WDPCP: variants seen among roughly 807,000 people sequenced by gnomAD.
WDPCP encodes the protein WD repeat-containing and planar cell polarity effector protein fritz homolog.
In WDPCP, 71 loss-of-function variants were observed where a neutral mutation model predicts 93.1. That is an observed-to-expected ratio of 0.76 (90% confidence interval 0.63 to 0.93). The LOEUF (loss-of-function observed/expected upper bound fraction) is 0.93. WDPCP is among the 40% of genes least tolerant of loss of function. The pLI is 0.00. For missense variants in WDPCP, 844 were observed against 887.4 expected (o/e 0.95, Z 0.62); for synonymous variants, 315 against 315.0 (o/e 1.00, Z 0.00).
Position 63,487,442 on chromosome 2 carries a change from T to G in WDPCP, c.208+5A>C. Reference sequence around the variant, plus strand: ...AAAATTAATTGCACAGAATAGGTACTTTACCTGGTGGATCTTTCTTGTCAT... The same window carrying G: ...AAAATTAATTGCACAGAATAGGTACGTTACCTGGTGGATCTTTCTTGTCAT... On this transcript the variant is annotated splice_donor_5th_base_variant and intron_variant, in intron 3 of 17. Transcript: ENST00000272321. The G allele has an allele frequency of 6.3e-7, 1 of 1,586,350 alleles. No homozygotes were observed. Among genetic ancestry groups the G allele is most frequent in the South Asian group, 1.1e-5 (1 of 90,362 alleles).
chr2:63,409,892 T>C lies in WDPCP; in HGVS notation c.826-5235A>G, dbSNP rs575667725. 5.9e-5 allele frequency among the ~76,000 whole-genome samples: 9 copies of C among 152,268 alleles called. No homozygotes were observed. In the South Asian group the frequency reaches 1.9e-3, roughly 32 times the overall value. ...CCAAGAAGTCTGGGATCACGTTAAA[T>C]GACCAAACCTAAGAATAATTGGTGT... On this transcript the variant is annotated intron_variant, in intron 9 of 17. Coordinates refer to ENST00000272321, the MANE Select transcript of WDPCP (RefSeq NM_015910.7).
At chr2:63,616,570 C>A (rs747664530) in intron 3 of WDPCP, among the ~76,000 whole-genome samples, 2 of 152,004 alleles carry the variant, frequency 1.3e-5, no homozygotes, top group Non-Finnish European at 2.9e-5. Context: ...AAAACAAAAA[C>A]GAAATAATTT....
chr2:63,617,534 G>A (rs1417971621), intron 3 of WDPCP, among the ~76,000 whole-genome samples: 5 of 152,114 alleles, frequency 3.3e-5, no homozygotes, highest in South Asian at 4.1e-4. Context: ...TATTGTCTGC[G>A]GTTACAGAAA....
rs1034139405 is a variant in WDPCP, at chr2:63,454,024, G to C, written c.385-14153C>G. Among the ~76,000 whole-genome samples, 3 of 151,288 alleles carry C rather than the reference G, an allele frequency of 2.0e-5. No homozygotes were observed. The East Asian group carries it at 5.8e-4, about 29-fold the overall frequency. On this transcript the variant is annotated intron_variant, in intron 6 of 17. Transcript: ENST00000272321. ...TAATGTAAATGATGAGTTAATGGGT[G>C]CAGCACACCAATATGGCACATGGAT... is the stretch of plus-strand genomic sequence containing the variant.
At chr2:63,403,898 C>T (rs1694340848) in intron 10 of WDPCP, 150 bp downstream of exon 10, 11 of 1,080,324 alleles carry the variant, frequency 1.0e-5, no homozygotes, top group South Asian at 1.6e-5. Context: ...AAGTCATCCA[C>T]AAAAGGGAAC....
chr2:63,840,603 C>T, the WDPCP span, among the ~76,000 whole-genome samples: 2 of 152,222 alleles, frequency 1.3e-5, no homozygotes, highest in South Asian at 4.1e-4. Flanking sequence ...GCAAGCGTCC[C>T]CTGAGAAGCG....
intron 2 of WDPCP, among the ~76,000 whole-genome samples, chr2:63,727,039 C>G (rs1368047535): frequency 6.6e-6 from 1 of 152,150 alleles, no homozygotes; most frequent in Non-Finnish European, 1.5e-5. Context: ...TGATTTCTTT[C>G]TCTTGCCTGA....
intron 2 of WDPCP, among the ~76,000 whole-genome samples, chr2:63,705,968 A>C (rs1669144967): frequency 1.3e-5 from 2 of 152,114 alleles, no homozygotes; most frequent in Non-Finnish European, 2.9e-5. Context: ...TTGCTTTATG[A>C]ATCTGGGTGC....
rs752983409 is a variant in WDPCP at position 63,773,216 on chromosome 2, T to A, written n.308+40406A>T. Among the ~76,000 whole-genome samples, 157 of 151,628 alleles carry A rather than the reference T, an allele frequency of 1.0e-3. 1 individual carries two copies. The highest frequency in any genetic ancestry group is 1.6e-3 in the Non-Finnish European group (110 of 67,880). On this transcript the variant is annotated intron_variant and non_coding_transcript_variant, in intron 2 of 4. Transcript: ENST00000467687. ...TGCCCACAACAGTATAATGGAAAAA[T>A]AAATTGAGATATACTCATGTAATGG...
chr2:63,784,477 T>C (rs1264116646), intron 2 of WDPCP, among the ~76,000 whole-genome samples: 2 of 152,086 alleles, frequency 1.3e-5, no homozygotes, highest in East Asian at 1.9e-4. Flanking sequence ...ATGTTAATAA[T>C]AGAGATTACA....
chr2:63,649,184 C>T (rs1291508767), intron 3 of WDPCP, among the ~76,000 whole-genome samples: 2 of 152,182 alleles, frequency 1.3e-5, no homozygotes, highest in Non-Finnish European at 2.9e-5. Context: ...AGTCCCTATT[C>T]TCCCCTTCCC....
chr2:63,449,616 T>C (rs900651705), intron 6 of WDPCP, among the ~76,000 whole-genome samples: 1 of 152,050 alleles, frequency 6.6e-6, no homozygotes, highest in Non-Finnish European at 1.5e-5. Flanking sequence ...ACTGCTGCAA[T>C]CTGAACCACA....
At chr2:63,773,366 T>A (rs1302967825) in intron 2 of WDPCP, among the ~76,000 whole-genome samples, 1 of 152,010 alleles carries the variant, frequency 6.6e-6, no homozygotes, top group Non-Finnish European at 1.5e-5. Flanking sequence ...ATAACATTTA[T>A]ATGACACTCA....
chr2:63,323,865 G>T (rs1687316174), intron 12 of WDPCP, among the ~76,000 whole-genome samples: 1 of 152,150 alleles, frequency 6.6e-6, no homozygotes, highest in South Asian at 2.1e-4. Flanking sequence ...GCGTCAGGGA[G>T]CACAACTATT....
At chr2:63,793,123 T>C (rs116614738) in intron 2 of WDPCP, among the ~76,000 whole-genome samples, 1,863 of 152,256 alleles carry the variant, frequency 0.012, 17 homozygotes, top group Non-Finnish European at 0.015. Context: ...TTGATTTTTT[T>C]TTTTAGAGAC....
intron 13 of WDPCP, among the ~76,000 whole-genome samples, chr2:63,305,169 C>T (rs1685634064): frequency 6.6e-6 from 1 of 152,166 alleles, no homozygotes. Context: ...TTGGGCACAG[C>T]TTCAGCAGAC....
chr2:63,838,526 A>T, the WDPCP span, among the ~76,000 whole-genome samples: 1 of 152,162 alleles, frequency 6.6e-6, no homozygotes, highest in Non-Finnish European at 1.5e-5. Context: ...CCAGCTCCTT[A>T]ACCCTGTACA....
At chr2:63,339,957 T>C (rs569471164) in intron 12 of WDPCP, among the ~76,000 whole-genome samples, 1 of 152,262 alleles carries the variant, frequency 6.6e-6, no homozygotes, top group South Asian at 2.1e-4. Flanking sequence ...AATAATCATA[T>C]GTTTTTTGTT....
At chr2:63,368,416 C>T (rs1388338761) in intron 12 of WDPCP, among the ~76,000 whole-genome samples, 1 of 151,964 alleles carries the variant, frequency 6.6e-6, no homozygotes, top group Non-Finnish European at 1.5e-5. Flanking sequence ...GCCTCCACCT[C>T]CCAGGTTCAA....
Sources: allele counts gnomAD v4.1 joint callset (sites outside exome capture counted in the v4.1 genomes callset), GRCh38; gene constraint gnomAD v4.1.1; transcripts MANE v1.5; gene names NCBI Gene and HGNC (gene_info 2026-07-23, HGNC 2026-07-21).